TMEM132B: variants seen among roughly 807,000 people sequenced by gnomAD.
The protein encoded by TMEM132B is transmembrane protein 132B.
Under a neutral mutation model 90.8 loss-of-function variants are expected in TMEM132B, and 18 were observed. The observed-to-expected ratio is 0.20, with a 90% CI of 0.14 to 0.29. The LOEUF (loss-of-function observed/expected upper bound fraction) is 0.29. TMEM132B is among the 10% of genes least tolerant of loss of function. The pLI is 1.00. For synonymous variants in TMEM132B, 504 were observed against 523.3 expected, an observed-to-expected ratio of 0.96 and a Z score of 0.50; for missense variants, 1,096 against 1,326.8, an observed-to-expected ratio of 0.83 and a Z score of 2.70.
chr12:125,590,089 A>G (rs1268302674), intron 5 of TMEM132B, among the ~76,000 whole-genome samples: 2 of 152,118 alleles, frequency 1.3e-5, no homozygotes, highest in African/African-American at 2.4e-5. Context: ...CTCTCTGACC[A>G]TGTGGGCCAT....
rs139451533 is a variant in TMEM132B at position 125,368,445 on chromosome 12, A to G, written c.959+18102A>G. On this transcript the variant is annotated intron_variant, in intron 2 of 8. Coordinates refer to ENST00000682704, the MANE Select transcript of TMEM132B (RefSeq NM_001366854.1). ...GCTTTTCTCTTTGCCGTTAATAAGA[A>G]TTTTGTGGGGTGTCACTATGTGATA... Among the ~76,000 whole-genome samples the G allele has an allele frequency of 3.9e-3, 590 of 152,290 alleles. 7 individuals carry two copies. The South Asian group carries it at 0.042, about 11-fold the overall frequency.
intron 1 of TMEM132B, among the ~76,000 whole-genome samples, chr12:125,275,772 G>A (rs1425608430): frequency 6.6e-6 from 1 of 152,108 alleles, no homozygotes; most frequent in East Asian, 1.9e-4. Flanking sequence ...GGAGTGTGGT[G>A]GTGTGATAAC....
Position 125,613,169 on chromosome 12 carries a change from TTA to T in TMEM132B, c.1437+29182_1437+29183del, listed in dbSNP as rs1196583849. ...AATATATATCATATATATTTATATA[TTA>T]TATATAAATATATATCATATATATT... is the stretch of plus-strand genomic sequence containing the variant. On this transcript the variant is annotated intron_variant, in intron 5 of 8. Coordinates refer to ENST00000682704, the MANE Select transcript of TMEM132B (RefSeq NM_001366854.1). 1.6e-5 allele frequency among the ~76,000 whole-genome samples: 2 copies of T among 124,844 alleles called. 1 individual carries two copies. The allele number at this position is 124,844 out of a possible 152,430, so 81.9% of individuals were successfully genotyped here.
At chr12:125,391,895 T>A (rs1400301888) in intron 2 of TMEM132B, among the ~76,000 whole-genome samples, 3 of 151,952 alleles carry the variant, frequency 2.0e-5, no homozygotes, top group Non-Finnish European at 4.4e-5. Context: ...GCCTCCTGAG[T>A]AGCTGGGACT....
intron 1 of TMEM132B, among the ~76,000 whole-genome samples, chr12:125,278,720 A>G (rs1214399538): frequency 1.3e-5 from 2 of 152,170 alleles, no homozygotes; most frequent in Non-Finnish European, 2.9e-5. Context: ...TTTAAAGGCA[A>G]GATATGAAAC....
chr12:125,465,145 AG>A (rs1396420565), intron 3 of TMEM132B, among the ~76,000 whole-genome samples: 1 of 152,218 alleles, frequency 6.6e-6, no homozygotes, highest in Non-Finnish European at 1.5e-5. Context: ...CTCTGCTACT[AG>A]GTAGCTGGAT....
At chr12:125,625,207 A>G (rs1224818951) in intron 5 of TMEM132B, among the ~76,000 whole-genome samples, 1 of 134,028 alleles carries the variant, frequency 7.5e-6, no homozygotes, top group Admixed American at 9.1e-5. Context: ...ATCTCAGCTC[A>G]CTGCAAGCTC....
chr12:125,209,541 G>A lies in TMEM132B; in HGVS notation c.67+22675G>A, dbSNP rs942388786. On this transcript the variant is annotated intron_variant, in intron 1 of 8. Coordinates refer to ENST00000682704, the MANE Select transcript of TMEM132B (RefSeq NM_001366854.1). This position sits in a 1 kb window ranked among gnomAD's most constrained non-coding sequence, Gnocchi z 4.4. ...CTGACGGCAGGGACCCTGCCACCCC[G>A]TTTCCTTTGTTCCTGGCTGCTGTGG... Among the ~76,000 whole-genome samples, 15 of 152,198 alleles carry A rather than the reference G, an allele frequency of 9.9e-5. No homozygotes were observed. The highest frequency in any genetic ancestry group is 2.2e-4 in the African/African-American group (9 of 41,464).
At chr12:125,426,831 G>A (rs1361236133) in intron 3 of TMEM132B, among the ~76,000 whole-genome samples, 2 of 152,226 alleles carry the variant, frequency 1.3e-5, no homozygotes, top group African/African-American at 4.8e-5. Context: ...TAGTGCAAGA[G>A]TCAGACGCTG....
At chr12:125,370,933 A>T in intron 2 of TMEM132B, among the ~76,000 whole-genome samples, 1 of 152,212 alleles carries the variant, frequency 6.6e-6, no homozygotes, top group East Asian at 1.9e-4. Flanking sequence ...CAGATAGGCC[A>T]TCTGCAAGCT....
At position 125,536,721 on chromosome 12, in the gene TMEM132B, A is replaced by G. The variant is rs139005254; in HGVS notation, c.1293+17096A>G. ...AATCACGCTGTGGGCAAAACCTTAT[A>G]TCCATTGTGGTAGGGAGAATAGTGG... On this transcript the variant is annotated intron_variant, in intron 4 of 8. Coordinates refer to ENST00000682704, the MANE Select transcript of TMEM132B (RefSeq NM_001366854.1). Among the ~76,000 whole-genome samples the G allele has an allele frequency of 7.7e-4, 118 of 152,334 alleles. 1 individual carries two copies. In the East Asian group the frequency reaches 0.022, roughly 28 times the overall value.
intron 3 of TMEM132B, among the ~76,000 whole-genome samples, chr12:125,434,870 G>T (rs1296961534): frequency 2.0e-5 from 3 of 152,182 alleles, no homozygotes; most frequent in Non-Finnish European, 4.4e-5. Flanking sequence ...ATGCAGCGGG[G>T]TCAGGAGCGA....
intron 1 of TMEM132B, among the ~76,000 whole-genome samples, chr12:125,241,664 T>C (rs1315594115): frequency 6.6e-6 from 1 of 152,176 alleles, no homozygotes; most frequent in East Asian, 1.9e-4. Flanking sequence ...GAAGCGTGGT[T>C]CTGCTGGCAC....
chr12:125,538,655 T>C (rs1883876762), intron 4 of TMEM132B, among the ~76,000 whole-genome samples: 1 of 152,242 alleles, frequency 6.6e-6, no homozygotes, highest in African/African-American at 2.4e-5. Flanking sequence ...TCTTATTCAG[T>C]GGAATTCCTG....
chr12:125,373,879 C>T (rs1878386781), intron 2 of TMEM132B, among the ~76,000 whole-genome samples: 2 of 152,232 alleles, frequency 1.3e-5, no homozygotes, highest in South Asian at 4.1e-4. Flanking sequence ...ACTGCAACCT[C>T]CGCCTCCTGG....
intron 2 of TMEM132B, among the ~76,000 whole-genome samples, chr12:125,371,186 A>G (rs1055744729): frequency 2.9e-4 from 44 of 152,194 alleles, no homozygotes; most frequent in Non-Finnish European, 1.6e-4. Context: ...TACCTTCTGC[A>G]TGCTTTCTCT....
intron 2 of TMEM132B, among the ~76,000 whole-genome samples, chr12:125,372,811 G>A (rs1411365362): frequency 2.6e-5 from 4 of 152,092 alleles, no homozygotes; most frequent in East Asian, 1.9e-4. Context: ...CCACCCCACC[G>A]ATGTCATCTC....
At chr12:125,206,400 G>T (rs553665686) in intron 1 of TMEM132B, among the ~76,000 whole-genome samples, 1 of 152,170 alleles carries the variant, frequency 6.6e-6, no homozygotes, top group Non-Finnish European at 1.5e-5. Context: ...TCCATGCCTG[G>T]CTAATTTTTG....
chr12:125,612,289 C>T (rs1885850536), intron 5 of TMEM132B, among the ~76,000 whole-genome samples: 1 of 151,824 alleles, frequency 6.6e-6, no homozygotes, highest in Admixed American at 6.6e-5. Flanking sequence ...GCCTGACCAA[C>T]TTGGTGAAAC....
Sources: allele counts gnomAD v4.1 joint callset (sites outside exome capture counted in the v4.1 genomes callset), GRCh38; gene constraint gnomAD v4.1.1; non-coding constraint Gnocchi (gnomAD v3.1); transcripts MANE v1.5; gene names NCBI Gene and HGNC (gene_info 2026-07-23, HGNC 2026-07-21).